The following MYO1E variants were observed in gnomAD, a reference collection of about 807,000 sequenced individuals.
MYO1E encodes the protein myosin IE.
MYO1E carries 68 observed loss-of-function variants against 151.1 expected under a neutral mutation model. The observed-to-expected ratio is 0.45, with a 90% CI of 0.37 to 0.55. MYO1E has a LOEUF of 0.55. Among genes scored for constraint, MYO1E ranks in the 20% least tolerant of loss-of-function variants. MYO1E has a pLI of 0.00. For synonymous variants in MYO1E, 601 were observed against 501.7 expected, an observed-to-expected ratio of 1.20 and a Z score of -2.64; for missense variants, 1,363 against 1,389.3, an observed-to-expected ratio of 0.98 and a Z score of 0.30.
chr15:59,357,263 C>T (rs4555093), intron 1 of MYO1E, among the ~76,000 whole-genome samples: 133,448 of 151,850 alleles, frequency 0.88, 60,460 homozygotes, highest in East Asian at 1. Context: ...CAAGAAACAA[C>T]GAGGGGAGGT....
At chr15:59,273,456 G>A (rs1478549743) in intron 1 of MYO1E, among the ~76,000 whole-genome samples, 1 of 152,170 alleles carries the variant, frequency 6.6e-6, no homozygotes, top group Non-Finnish European at 1.5e-5. Context: ...CCTAGATAAT[G>A]ATGGAATAAA....
chr15:59,283,220 T>G (rs1825559503), intron 1 of MYO1E, among the ~76,000 whole-genome samples: 1 of 151,928 alleles, frequency 6.6e-6, no homozygotes, highest in Non-Finnish European at 1.5e-5. Context: ...CTCTAACCCC[T>G]GCTTTCTCCG....
At position 59,218,071 on chromosome 15, in the gene MYO1E, T is replaced by C. The variant is rs753222111; in HGVS notation, c.927A>G (p.Ala309=). 1.4e-5 allele frequency: 22 copies of C among 1,614,086 alleles called. No individual in the cohort carries two copies. Among genetic ancestry groups the C allele is most frequent in the Middle Eastern group, 1.6e-4 (1 of 6,084 alleles). The change falls in exon 10 of 28, where the codon GCA becomes GCG. Residue 309 remains alanine, a synonymous_variant. Coordinates refer to ENST00000288235, the MANE Select transcript of MYO1E (RefSeq NM_004998.4). ...VESEEFLAFP[A]YLLGINQDRL... is the part of the protein sequence containing the mutation. ...GGTCCTGGTTTATCCCTAGCAGATA[T>C]GCAGGAAAAGCTAAAACTGTAGAAC...
intron 1 of MYO1E, among the ~76,000 whole-genome samples, chr15:59,316,980 C>T (rs541394395): frequency 6.6e-6 from 1 of 152,282 alleles, no homozygotes; most frequent in Non-Finnish European, 1.5e-5. Flanking sequence ...TTAGTAACCT[C>T]AGTAGCCCAG....
chr15:59,230,550 G>A (rs1473104460), intron 6 of MYO1E, among the ~76,000 whole-genome samples: 1 of 151,926 alleles, frequency 6.6e-6, no homozygotes, highest in Non-Finnish European at 1.5e-5. Context: ...TGGAAAATTT[G>A]TTTAATTCTT....
chr15:59,347,959 T>C (rs1285826389), intron 1 of MYO1E, among the ~76,000 whole-genome samples: 6 of 152,216 alleles, frequency 3.9e-5, no homozygotes, highest in African/African-American at 1.4e-4. Flanking sequence ...ACCCACGTCA[T>C]TTTCAATTCC....
At chr15:59,186,063 T>C (rs118094481) in intron 18 of MYO1E, among the ~76,000 whole-genome samples, 3,093 of 152,340 alleles carry the variant, frequency 0.02, 55 homozygotes, top group Non-Finnish European at 0.034. Flanking sequence ...GCAAAAGCTC[T>C]ACAAATACCT....
At chr15:59,150,575 A>C (rs1374698973) in intron 26 of MYO1E, among the ~76,000 whole-genome samples, 2 of 152,214 alleles carry the variant, frequency 1.3e-5, no homozygotes, top group Non-Finnish European at 2.9e-5. Flanking sequence ...GCCTACTTTG[A>C]GGCATCAAAC....
At chr15:59,278,930 T>C (rs1412929536) in intron 1 of MYO1E, among the ~76,000 whole-genome samples, 14 of 152,172 alleles carry the variant, frequency 9.2e-5, no homozygotes, top group Non-Finnish European at 1.9e-4. Flanking sequence ...GGGGTCATAA[T>C]GTACCATGTT....
At chr15:59,193,220 C>A (rs1193443208) in intron 17 of MYO1E, among the ~76,000 whole-genome samples, 2 of 152,210 alleles carry the variant, frequency 1.3e-5, no homozygotes, top group African/African-American at 4.8e-5. Flanking sequence ...GCAATCTCAG[C>A]TTTAACAAGG....
intron 1 of MYO1E, among the ~76,000 whole-genome samples, chr15:59,300,328 A>C (rs1352962819): frequency 3.9e-5 from 6 of 151,928 alleles, no homozygotes; most frequent in Admixed American, 2.0e-4. Context: ...ACACACACAC[A>C]CGCACGGTCA....
Position 59,158,335 on chromosome 15 carries a change from CACTGGAATA to C in MYO1E, c.2821_2829del (p.Tyr941_Ser943del), listed in dbSNP as rs1418198862. The stretch of plus-strand genomic sequence containing the variant: ...ACTGGGTAGTTGGCATTTTGAGTCC[CACTGGAATA>C]ACCTGTATTTTGGGTAGTGTTCCTT... On this transcript the variant is annotated inframe_deletion, in exon 25 of 28. Coordinates refer to ENST00000288235, the MANE Select transcript of MYO1E (RefSeq NM_004998.4). 6 of 1,576,856 alleles carry C rather than the reference CACTGGAATA, an allele frequency of 3.8e-6. No individual in the cohort carries two copies. Among genetic ancestry groups the C allele is most frequent in the Non-Finnish European group, 5.2e-6 (6 of 1,159,122 alleles).
chr15:59,190,779 T>C (rs578117843), intron 17 of MYO1E, among the ~76,000 whole-genome samples: 1 of 152,348 alleles, frequency 6.6e-6, no homozygotes, highest in South Asian at 2.1e-4. Context: ...AAAGCTGTTA[T>C]TATCGTCATC....
At chr15:59,313,350 T>A (rs1308797265) in intron 1 of MYO1E, among the ~76,000 whole-genome samples, 1 of 152,194 alleles carries the variant, frequency 6.6e-6, no homozygotes, top group Non-Finnish European at 1.5e-5. Flanking sequence ...GAAGGATATT[T>A]GGAAAAATTC....
chr15:59,213,273 C>T (rs193016016), intron 12 of MYO1E, among the ~76,000 whole-genome samples: 2 of 151,800 alleles, frequency 1.3e-5, no homozygotes, highest in African/African-American at 4.8e-5. Flanking sequence ...TGGGTTCAAG[C>T]GATTCTCCTG....
At chr15:59,317,698 G>C (rs2080598123) in intron 1 of MYO1E, among the ~76,000 whole-genome samples, 2 of 152,176 alleles carry the variant, frequency 1.3e-5, no homozygotes, top group Non-Finnish European at 2.9e-5. Context: ...AGGCAGAACT[G>C]GGGGACAGAT....
In MYO1E at chr15:59,214,414, A is replaced by G; in HGVS notation, c.1189-100T>C. 6.0e-6 allele frequency: 6 copies of G among 1,007,424 alleles called. No homozygotes were observed. The Admixed American group carries it at 1.2e-4, about 20-fold the overall frequency. The allele number at this position is 1,007,424 out of a possible 1,614,324, so 62.4% of individuals were successfully genotyped here. Reference sequence around the variant, plus strand: ...AAATGTCTTCATGTGAAAAGCTTTAATAGAAATGTTGGATGCATCAAAAGA... The same window carrying G: ...AAATGTCTTCATGTGAAAAGCTTTAGTAGAAATGTTGGATGCATCAAAAGA... On this transcript the variant is annotated intron_variant, in intron 11 of 27. Coordinates refer to ENST00000288235, the MANE Select transcript of MYO1E (RefSeq NM_004998.4).
At chr15:59,332,965 A>G (rs1230023763) in intron 1 of MYO1E, among the ~76,000 whole-genome samples, 1 of 152,146 alleles carries the variant, frequency 6.6e-6, no homozygotes, top group Non-Finnish European at 1.5e-5. Flanking sequence ...ACAGCTCTCC[A>G]TCTTAAAAAA....
At position 59,324,758 on chromosome 15, in the gene MYO1E, G is replaced by A. The variant is rs375883441; in HGVS notation, c.3+47740C>T. On this transcript the variant is annotated intron_variant, in intron 1 of 27. Coordinates refer to ENST00000288235, the MANE Select transcript of MYO1E (RefSeq NM_004998.4). ...GCACCTGCTTCTTTCAGACTGAGGG[G>A]ACCTGAGGAGTAAAATTGAGCCTTA... Among the ~76,000 whole-genome samples, 24 of 152,008 alleles carry A rather than the reference G, an allele frequency of 1.6e-4. 3 individuals carry two copies. The South Asian group carries it at 3.9e-3, about 25-fold the overall frequency.
Sources: gnomAD v4.1 joint callset for allele counts (sites outside exome capture counted in the v4.1 genomes callset) on GRCh38, gnomAD v4.1.1 for gene constraint, MANE v1.5 for transcripts, NCBI Gene and HGNC (gene_info 2026-07-23, HGNC 2026-07-21) for gene names.